Variants in PARD3 observed in about 807,000 individuals in gnomAD.
The protein encoded by PARD3 is partitioning defective 3 homolog.
In PARD3, 75 loss-of-function variants were observed where a neutral mutation model predicts 155.4. The ratio of observed to expected loss-of-function variants is 0.48; its 90% CI spans 0.40 to 0.58. The LOEUF (loss-of-function observed/expected upper bound fraction) is 0.58. Ranked by LOEUF, PARD3 falls within the 20% of genes least tolerant of loss-of-function variation. The pLI, the probability that PARD3 is intolerant of heterozygous loss-of-function variation, is 0.00. For missense variants in PARD3, 1,642 were observed against 1,721.7 expected (o/e 0.95, Z 0.82); for synonymous variants, 576 against 610.5 (o/e 0.94, Z 0.83).
intron 5 of PARD3, among the ~76,000 whole-genome samples, chr10:34,408,712 C>T (rs1423477605): frequency 6.6e-6 from 1 of 151,942 alleles, no homozygotes; most frequent in Non-Finnish European, 1.5e-5. Context: ...CTATAGCAAC[C>T]TTCCAAAGAA....
intron 4 of PARD3, among the ~76,000 whole-genome samples, chr10:34,455,526 T>C (rs1830955706): frequency 6.6e-6 from 1 of 151,924 alleles, no homozygotes; most frequent in African/African-American, 2.4e-5. Flanking sequence ...AGTCTCGCTC[T>C]GTTGCCGAGG....
At chr10:34,322,318 G>A (rs1393812168) in intron 19 of PARD3, among the ~76,000 whole-genome samples, 1 of 152,188 alleles carries the variant, frequency 6.6e-6, no homozygotes, top group Admixed American at 6.5e-5. Flanking sequence ...CTGACTCATG[G>A]ATAGCAGAGC....
chr10:34,635,320 GTGGT>G (rs2092429591), intron 2 of PARD3, among the ~76,000 whole-genome samples: 1 of 152,242 alleles, frequency 6.6e-6, no homozygotes, highest in East Asian at 1.9e-4. Flanking sequence ...AAGTCAGCTT[GTGGT>G]TACCTGTCTG....
intron 22 of PARD3, among the ~76,000 whole-genome samples, chr10:34,179,811 GC>G (rs1039834902): frequency 2.0e-5 from 3 of 152,158 alleles, no homozygotes; most frequent in African/African-American, 7.2e-5. Flanking sequence ...TTTTAATAGA[GC>G]AGTTTTCTCA....
chr10:34,489,195 G>A (rs1250575659), intron 3 of PARD3, among the ~76,000 whole-genome samples: 1 of 152,112 alleles, frequency 6.6e-6, no homozygotes. Context: ...AAAATTAGTT[G>A]GGCGTGGTGG....
At chr10:34,282,577 T>C (rs1956208160) in intron 21 of PARD3, among the ~76,000 whole-genome samples, 1 of 152,154 alleles carries the variant, frequency 6.6e-6, no homozygotes, top group Non-Finnish European at 1.5e-5. Flanking sequence ...GGAAGAAATG[T>C]TTAGAAGATG....
chr10:34,667,182 T>C (rs2093508324), intron 2 of PARD3, among the ~76,000 whole-genome samples: 3 of 152,124 alleles, frequency 2.0e-5, no homozygotes, highest in Admixed American at 1.3e-4. Context: ...AGATTATTGA[T>C]ACATAAGTTG....
rs555157422 is a variant in PARD3 at position 34,354,840 on chromosome 10, CCT to C, written c.2067+4305_2067+4306del. Among the ~76,000 whole-genome samples, 18 of 152,240 alleles carry C rather than the reference CCT, an allele frequency of 1.2e-4. No homozygotes were observed. The East Asian group carries it at 3.3e-3, about 28-fold the overall frequency. On this transcript the variant is annotated intron_variant, in intron 14 of 24. Transcript: ENST00000374788. Reference sequence around the variant, plus strand: ...TGGTTGATCCTGGAGACATGGAAAGCCTCTGAAGGGATTTCAGCAGGGACTGA... The same window carrying C: ...TGGTTGATCCTGGAGACATGGAAAGCCTGAAGGGATTTCAGCAGGGACTGA...
chr10:34,748,777 A>G (rs1184075338), intron 1 of PARD3, among the ~76,000 whole-genome samples: 6 of 152,172 alleles, frequency 3.9e-5, no homozygotes. Flanking sequence ...TCCCTGCTGC[A>G]GTGCAGGCAC....
intron 2 of PARD3, among the ~76,000 whole-genome samples, chr10:34,640,357 C>G (rs1042426296): frequency 6.6e-6 from 1 of 152,174 alleles, no homozygotes; most frequent in Non-Finnish European, 1.5e-5. Context: ...TGGCTCACAC[C>G]TGTAATACCA....
At chr10:34,369,575 G>T (rs1333132064) in intron 12 of PARD3, among the ~76,000 whole-genome samples, 5 of 152,150 alleles carry the variant, frequency 3.3e-5, no homozygotes, top group Non-Finnish European at 5.9e-5. Context: ...TTAAGCATTA[G>T]AGGTGAAAGA....
chr10:34,647,090 T>C (rs560749095), intron 2 of PARD3, among the ~76,000 whole-genome samples: 4 of 152,370 alleles, frequency 2.6e-5, no homozygotes, highest in South Asian at 4.1e-4. Context: ...CTGACTGCTA[T>C]AGTATGCTTT....
At chr10:34,319,260 T>C (rs1272956770) in intron 19 of PARD3, among the ~76,000 whole-genome samples, 1 of 151,898 alleles carries the variant, frequency 6.6e-6, no homozygotes, top group Non-Finnish European at 1.5e-5. Flanking sequence ...AGCTAATTTT[T>C]GTATTTTTAG....
At chr10:34,773,026 C>A (rs980048186) in intron 1 of PARD3, among the ~76,000 whole-genome samples, 18 of 152,066 alleles carry the variant, frequency 1.2e-4, no homozygotes, top group Admixed American at 1.1e-3. Flanking sequence ...GTTTGTAGAA[C>A]CACACGGCAC....
intron 2 of PARD3, among the ~76,000 whole-genome samples, chr10:34,555,753 G>A (rs907323090): frequency 9.2e-5 from 14 of 151,802 alleles, no homozygotes; most frequent in Non-Finnish European, 7.4e-5. Context: ...ACCATCACCC[G>A]CCCACACACC....
At chr10:34,796,755 C>T (rs546912911) in intron 1 of PARD3, among the ~76,000 whole-genome samples, 19 of 152,328 alleles carry the variant, frequency 1.2e-4, no homozygotes, top group African/African-American at 2.4e-4. Flanking sequence ...GAGGCCGAGG[C>T]GAGTGGATCA....
chr10:34,342,106 A>T lies in PARD3; in HGVS notation c.2219-290T>A, dbSNP rs1340658721. Among the ~76,000 whole-genome samples the T allele has an allele frequency of 7.9e-5, 12 of 152,208 alleles. No homozygotes were observed. In the East Asian group the frequency reaches 2.3e-3, roughly 29 times the overall value. ...AAAGATACTCTCTCAAATGTCTTAT[A>T]ATGTGAAAATGCTACACGCATTCTA... is the stretch of plus-strand genomic sequence containing the variant. On this transcript the variant is annotated intron_variant, in intron 15 of 24. Coordinates refer to ENST00000374788, the MANE Select transcript of PARD3 (RefSeq NM_001184785.2).
At chr10:34,793,861 G>A (rs530343665) in intron 1 of PARD3, among the ~76,000 whole-genome samples, 4 of 152,248 alleles carry the variant, frequency 2.6e-5, no homozygotes, top group African/African-American at 9.6e-5. Flanking sequence ...TGAACCAGGA[G>A]ATAATCCATA....
chr10:34,461,973 T>C (rs184068115), intron 4 of PARD3, among the ~76,000 whole-genome samples: 161 of 152,310 alleles, frequency 1.1e-3, no homozygotes, highest in Admixed American at 0.01. Flanking sequence ...TAATGTAGCA[T>C]AGAAAAAGAT....
Sources: gnomAD v4.1 joint callset for allele counts (sites outside exome capture counted in the v4.1 genomes callset) on GRCh38, gnomAD v4.1.1 for gene constraint, MANE v1.5 for transcripts, NCBI Gene and HGNC (gene_info 2026-07-23, HGNC 2026-07-21) for gene names.